Variants in RGL1 observed in about 807,000 individuals in gnomAD.
RGL1 encodes the protein ral guanine nucleotide dissociation stimulator like 1.
A neutral mutation model predicts 95.2 loss-of-function variants in RGL1; 24 were observed. The ratio of observed to expected loss-of-function variants is 0.25; its 90% CI spans 0.18 to 0.35. The LOEUF is 0.35. RGL1 is among the 10% of genes least tolerant of loss of function. The pLI, the probability that RGL1 is intolerant of heterozygous loss-of-function variation, is 1.00. For synonymous variants in RGL1, 329 were observed against 344.9 expected (o/e 0.95, Z 0.51); for missense variants, 715 against 936.3 (o/e 0.76, Z 3.08).
At chr1:183,805,589 T>A (rs887788522) in intron 1 of RGL1, among the ~76,000 whole-genome samples, 1 of 152,238 alleles carries the variant, frequency 6.6e-6, no homozygotes, top group African/African-American at 2.4e-5. Context: ...GAAAAAGAAC[T>A]GTTAGTGTGG....
At chr1:183,767,061 A>T (rs1270768318) in intron 2 of RGL1, among the ~76,000 whole-genome samples, 4 of 148,752 alleles carry the variant, frequency 2.7e-5, no homozygotes, top group Admixed American at 1.3e-4. Context: ...ACTAAAAATT[A>T]AAAAAAAAAT....
At chr1:183,897,959 C>T (rs1014598639) in intron 10 of RGL1, 62 bp downstream of exon 10, 2 of 1,390,660 alleles carry the variant, frequency 1.4e-6, no homozygotes, top group South Asian at 1.2e-5. Flanking sequence ...TGCGTCTGGG[C>T]TCCCACATGG....
intron 2 of RGL1, among the ~76,000 whole-genome samples, chr1:183,846,092 AC>A (rs1409153737): frequency 6.6e-6 from 1 of 152,214 alleles, no homozygotes; most frequent in Non-Finnish European, 1.5e-5. Context: ...ACACATGCAC[AC>A]GTGTGTTTAT....
intron 2 of RGL1, among the ~76,000 whole-genome samples, chr1:183,843,471 C>G (rs963595820): frequency 2.0e-5 from 3 of 152,178 alleles, no homozygotes; most frequent in East Asian, 1.9e-4. Flanking sequence ...AAGGGAGAAC[C>G]CTGGCTTTCT....
chr1:183,913,619 A>G (rs540982949), intron 15 of RGL1, among the ~76,000 whole-genome samples: 4 of 152,352 alleles, frequency 2.6e-5, no homozygotes, highest in Admixed American at 2.0e-4. Flanking sequence ...AGCTTACTCA[A>G]TAGTGACTTC....
intron 2 of RGL1, among the ~76,000 whole-genome samples, chr1:183,810,293 A>G (rs1004865888): frequency 6.6e-6 from 1 of 152,162 alleles, no homozygotes; most frequent in Non-Finnish European, 1.5e-5. Flanking sequence ...TATTTTTTTT[A>G]CAAGCAAGAT....
intron 1 of RGL1, among the ~76,000 whole-genome samples, chr1:183,646,214 A>G (rs1207946562): frequency 6.6e-6 from 1 of 152,364 alleles, no homozygotes; most frequent in East Asian, 1.9e-4. Context: ...TACTCACTAT[A>G]TACCCAGAAT....
chr1:183,734,224 T>G (rs1656800074), intron 1 of RGL1, among the ~76,000 whole-genome samples: 1 of 152,226 alleles, frequency 6.6e-6, no homozygotes, highest in African/African-American at 2.4e-5. Context: ...AGTCCACCTC[T>G]GAATCCTTTC....
intron 2 of RGL1, among the ~76,000 whole-genome samples, chr1:183,846,657 A>G (rs1664462627): frequency 6.6e-6 from 1 of 152,098 alleles, no homozygotes; most frequent in African/African-American, 2.4e-5. Flanking sequence ...AGGCGGGCGT[A>G]TCACCTGAGG....
chr1:183,807,381 C>A (rs1014031402), intron 2 of RGL1, among the ~76,000 whole-genome samples: 1 of 152,148 alleles, frequency 6.6e-6, no homozygotes, highest in Non-Finnish European at 1.5e-5. Context: ...TTATTTTAGC[C>A]GATGGGCTTC....
intron 2 of RGL1, among the ~76,000 whole-genome samples, chr1:183,794,312 G>A (rs999796519): frequency 1.8e-4 from 27 of 152,114 alleles, no homozygotes; most frequent in Admixed American, 1.0e-3. Flanking sequence ...TGAAGAAGAG[G>A]TTGCTTAATA....
At chr1:183,804,918 C>T (rs1254344265), upstream of RGL1, among the ~76,000 whole-genome samples, 1 of 152,216 alleles carries the variant, frequency 6.6e-6, no homozygotes, top group Non-Finnish European at 1.5e-5. Flanking sequence ...ACCTGGTGAC[C>T]GTCAGGAAAA....
chr1:183,670,788 G>A (rs1301868503), intron 1 of RGL1, among the ~76,000 whole-genome samples: 3 of 152,190 alleles, frequency 2.0e-5, no homozygotes, highest in South Asian at 4.1e-4. Context: ...CTTACATGCT[G>A]AACCAGTTTA....
At chr1:183,799,210 T>A (rs529805486) in intron 2 of RGL1, among the ~76,000 whole-genome samples, 34 of 152,270 alleles carry the variant, frequency 2.2e-4, no homozygotes, top group African/African-American at 8.2e-4. Flanking sequence ...CCTCCTTTTT[T>A]AAGGTTGAAT....
At chr1:183,665,667 A>C (rs979878790) in intron 1 of RGL1, among the ~76,000 whole-genome samples, 3 of 152,204 alleles carry the variant, frequency 2.0e-5, no homozygotes, top group African/African-American at 7.2e-5. Context: ...ATAGGTGAGC[A>C]TAGATTGTTC....
chr1:183,839,579 G>A (rs968572559), intron 2 of RGL1, among the ~76,000 whole-genome samples: 12 of 152,068 alleles, frequency 7.9e-5, no homozygotes, highest in African/African-American at 2.4e-4. Context: ...CACAACTTTC[G>A]TACTGGTTTT....
chr1:183,813,002 A>G (rs1427349283), intron 2 of RGL1, among the ~76,000 whole-genome samples: 2 of 152,214 alleles, frequency 1.3e-5, no homozygotes, highest in Non-Finnish European at 2.9e-5. Flanking sequence ...TTTTAAGCAG[A>G]GTGGCATGGT....
chr1:183,775,418 C>A (rs1283163674), intron 2 of RGL1, among the ~76,000 whole-genome samples: 1 of 152,208 alleles, frequency 6.6e-6, no homozygotes, highest in Non-Finnish European at 1.5e-5. Context: ...TAGTAGCACA[C>A]AGCCCATAGG....
intron 2 of RGL1, among the ~76,000 whole-genome samples, chr1:183,781,983 C>A (rs1191522899): frequency 6.6e-6 from 1 of 152,066 alleles, no homozygotes; most frequent in Non-Finnish European, 1.5e-5. Context: ...TGATTTTATT[C>A]CTAAAGTGTT....
Sources: gnomAD v4.1 joint callset for allele counts (sites outside exome capture counted in the v4.1 genomes callset) on GRCh38, gnomAD v4.1.1 for gene constraint, MANE v1.5 for transcripts, NCBI Gene and HGNC (gene_info 2026-07-23, HGNC 2026-07-21) for gene names.